LTBP1: variants seen among roughly 807,000 people sequenced by gnomAD.
LTBP1 encodes latent-transforming growth factor beta-binding protein 1.
A neutral mutation model predicts 207.6 loss-of-function variants in LTBP1; 129 were observed. The ratio of observed to expected loss-of-function variants is 0.62; its 90% CI spans 0.54 to 0.72. LTBP1 has a LOEUF of 0.72. Among genes scored for constraint, LTBP1 ranks in the 30% least tolerant of loss-of-function variants. LTBP1 has a pLI of 0.00. For missense variants in LTBP1, 2,281 were observed against 2,217.2 expected, an observed-to-expected ratio of 1.03 and a Z score of -0.58; for synonymous variants, 963 against 833.7, an observed-to-expected ratio of 1.16 and a Z score of -2.67.
chr2:33,208,963 G>A (rs572279286), intron 7 of LTBP1, among the ~76,000 whole-genome samples: 1 of 147,800 alleles, frequency 6.8e-6, no homozygotes, highest in African/African-American at 2.5e-5. Context: ...CGCCTCCCAG[G>A]TTCAAGCAAT....
chr2:33,343,268 A>G (rs552266012), intron 25 of LTBP1, among the ~76,000 whole-genome samples: 14 of 151,930 alleles, frequency 9.2e-5, no homozygotes, highest in Admixed American at 7.9e-4. Flanking sequence ...AAAATTAGCC[A>G]GGCTTGATGG....
intron 22 of LTBP1, among the ~76,000 whole-genome samples, chr2:33,304,356 G>A (rs925561756): frequency 2.0e-5 from 3 of 152,130 alleles, no homozygotes; most frequent in Non-Finnish European, 4.4e-5. Flanking sequence ...TAACTAAACC[G>A]TGACTGTTCA....
At chr2:32,954,860 T>C (rs190770058) in intron 2 of LTBP1, among the ~76,000 whole-genome samples, 1 of 152,206 alleles carries the variant, frequency 6.6e-6, no homozygotes, top group Admixed American at 6.5e-5. Flanking sequence ...ATTTGGTTAC[T>C]TTTCTACTGC....
intron 4 of LTBP1, among the ~76,000 whole-genome samples, chr2:33,121,862 C>G (rs541998824): frequency 6.6e-6 from 1 of 152,086 alleles, no homozygotes; most frequent in East Asian, 1.9e-4. Flanking sequence ...AAAGCACTTT[C>G]GTTAGTCTTT....
At position 33,354,721 on chromosome 2, in the gene LTBP1, CACACACA is replaced by C. The variant is rs1559058180; in HGVS notation, c.4001-5875_4001-5869del. 4.0e-3 allele frequency among the ~76,000 whole-genome samples: 550 copies of C among 137,830 alleles called. 3 individuals are homozygous for C. Among genetic ancestry groups the C allele is most frequent in the African/African-American group, 0.014 (519 of 38,432 alleles). The allele number at this position is 137,830 out of a possible 152,430, so 90.4% of individuals were successfully genotyped here. A position where few individuals can be genotyped will look rare whatever the true frequency, so the allele number is the denominator to read the frequency against. ...ACACACACACACACACACACACACA[CACACACA>C]CCATTGTATCTTCATTTATTTTTAT... On this transcript the variant is annotated intron_variant, in intron 26 of 33. Transcript: ENST00000404816.
intron 24 of LTBP1, among the ~76,000 whole-genome samples, chr2:33,340,130 C>T (rs371183479): frequency 2.8e-4 from 43 of 151,938 alleles, no homozygotes; most frequent in Middle Eastern, 3.4e-3. Flanking sequence ...TGGTGGCGAG[C>T]GCCTGTAGTC....
At chr2:33,143,149 G>C (rs2082762561) in intron 5 of LTBP1, among the ~76,000 whole-genome samples, 1 of 152,056 alleles carries the variant, frequency 6.6e-6, no homozygotes, top group African/African-American at 2.4e-5. Context: ...TCTCTGCCTG[G>C]AGGGTACATT....
chr2:33,309,342 G>T, intron 22 of LTBP1, 92 bp from the exon 23 acceptor site: 91 of 706,840 alleles, frequency 1.3e-4, no homozygotes, highest in Non-Finnish European at 1.6e-4. Context: ...TATAAATGAT[G>T]TAAAATAGTG....
intron 31 of LTBP1, among the ~76,000 whole-genome samples, chr2:33,384,329 C>G (rs1477962197): frequency 6.6e-6 from 1 of 152,212 alleles, no homozygotes; most frequent in Non-Finnish European, 1.5e-5. Context: ...CATAGCATCC[C>G]TTATGTATCT....
chr2:33,344,045 A>C (rs77019336), intron 25 of LTBP1, among the ~76,000 whole-genome samples: 3,861 of 152,332 alleles, frequency 0.025, 84 homozygotes, highest in Non-Finnish European at 0.04. Flanking sequence ...TTAAGACATT[A>C]GTTCATTTGC....
intron 3 of LTBP1, among the ~76,000 whole-genome samples, chr2:33,037,756 C>T (rs1027033902): frequency 3.9e-5 from 6 of 152,288 alleles, no homozygotes; most frequent in East Asian, 1.9e-4. Flanking sequence ...CTCACTCTGT[C>T]GCTCAGGCTA....
At chr2:33,278,403 A>T (rs543148621) in intron 18 of LTBP1, among the ~76,000 whole-genome samples, 1 of 152,302 alleles carries the variant, frequency 6.6e-6, no homozygotes, top group East Asian at 1.9e-4. Flanking sequence ...AAATTTCATC[A>T]TGGACTAGAA....
intron 4 of LTBP1, among the ~76,000 whole-genome samples, chr2:33,115,119 C>CAT: frequency 1.2e-5 from 1 of 81,244 alleles, no homozygotes; most frequent in South Asian, 4.2e-4. Flanking sequence ...CACACACACA[C>CAT]ATATATATAC....
chr2:33,252,637 G>A (rs764994043), intron 10 of LTBP1, 40 bp from the exon 11 acceptor site: 2 of 1,552,574 alleles, frequency 1.3e-6, no homozygotes, highest in Non-Finnish European at 1.8e-6. Context: ...ATGTAGTTTT[G>A]GTTTCTCATG....
In LTBP1 at chr2:33,060,517, G is replaced by C. The variant is rs7605669; in HGVS notation, c.863+39311G>C. The stretch of plus-strand genomic sequence containing the variant: ...GGGCTGTGCTGAAATCATCTTGGGG[G>C]GTGTGTGTGTATGTATGTGTGTGTG... On this transcript the variant is annotated intron_variant, in intron 3 of 33. Transcript: ENST00000404816. Among the ~76,000 whole-genome samples, 4 of 151,090 alleles carry C rather than the reference G, an allele frequency of 2.6e-5. No homozygotes were observed. The East Asian group carries it at 7.8e-4, about 29-fold the overall frequency.
At chr2:33,279,914 C>T in intron 18 of LTBP1, 125 bp from the exon 19 acceptor site, 3 of 947,516 alleles carry the variant, frequency 3.2e-6, no homozygotes, top group East Asian at 4.9e-5. Flanking sequence ...CTCACTTACC[C>T]AATTATTGTT....
At chr2:33,322,156 T>C (rs1479922366) in intron 24 of LTBP1, among the ~76,000 whole-genome samples, 4 of 151,650 alleles carry the variant, frequency 2.6e-5, no homozygotes, top group African/African-American at 9.7e-5. Context: ...TTATCACTGC[T>C]GACCTTTTCA....
At chr2:33,127,771 A>G (rs1433731754) in intron 4 of LTBP1, among the ~76,000 whole-genome samples, 1 of 152,172 alleles carries the variant, frequency 6.6e-6, no homozygotes, top group African/African-American at 2.4e-5. Flanking sequence ...AGTGAAAATC[A>G]TGGAGGGAAG....
intron 7 of LTBP1, among the ~76,000 whole-genome samples, chr2:33,215,711 C>G (rs375532967): frequency 1.6e-5 from 2 of 125,998 alleles, no homozygotes; most frequent in Admixed American, 8.3e-5. Context: ...CATTGGTTTT[C>G]TTTTGTTTTT....
Sources: gnomAD v4.1 joint callset for allele counts (sites outside exome capture counted in the v4.1 genomes callset) on GRCh38, gnomAD v4.1.1 for gene constraint, MANE v1.5 for transcripts, NCBI Gene and HGNC (gene_info 2026-07-23, HGNC 2026-07-21) for gene names.